The following TYW1 variants were observed in gnomAD, a reference collection of about 807,000 sequenced individuals.
The protein encoded by TYW1 is tRNA-yW synthesizing protein 1 homolog, also known as S-adenosyl-L-methionine-dependent tRNA 4-demethylwyosine synthase TYW1.
Under a neutral mutation model 96.2 loss-of-function variants are expected in TYW1, and 46 were observed. That is an observed-to-expected ratio of 0.48 (90% confidence interval 0.38 to 0.61). The LOEUF is 0.61. Among genes scored for constraint, TYW1 ranks in the 20% least tolerant of loss-of-function variants. The pLI, the probability that TYW1 is intolerant of heterozygous loss-of-function variation, is 0.00. For synonymous variants in TYW1, 274 were observed against 323.0 expected (o/e 0.85, Z 1.63); for missense variants, 684 against 909.6 (o/e 0.75, Z 3.19).
intron 15 of TYW1, among the ~76,000 whole-genome samples, chr7:67,198,195 T>C (rs1800465624): frequency 6.6e-6 from 1 of 152,104 alleles, no homozygotes; most frequent in Non-Finnish European, 1.5e-5. Flanking sequence ...ATGTCCTTTA[T>C]AGCATTTCCC....
chr7:67,054,110 T>C (rs920141604), intron 8 of TYW1, among the ~76,000 whole-genome samples: 1 of 152,228 alleles, frequency 6.6e-6, no homozygotes, highest in African/African-American at 2.4e-5. Flanking sequence ...TGTTGTTTCA[T>C]ATATTTTGTC....
intron 13 of TYW1, among the ~76,000 whole-genome samples, chr7:67,144,709 A>G (rs546564754): frequency 2.0e-5 from 3 of 152,114 alleles, no homozygotes; most frequent in Admixed American, 6.6e-5. Context: ...AGCTGAAGCT[A>G]TCTGCCCGGG....
rs553649319 is a variant in TYW1, at chr7:67,137,612, A to C, written c.1698+19994A>C. ...AGTTGGAGTGGAATGATTCAACACT[A>C]TGTGGCCAGTTTAAACAAGACTCTG... On this transcript the variant is annotated intron_variant, in intron 13 of 15. Coordinates refer to ENST00000359626, the MANE Select transcript of TYW1 (RefSeq NM_018264.4). 9.2e-5 allele frequency among the ~76,000 whole-genome samples: 14 copies of C among 152,322 alleles called. 1 individual carries two copies. The South Asian group carries it at 1.9e-3, about 20-fold the overall frequency.
intron 15 of TYW1, among the ~76,000 whole-genome samples, chr7:67,216,278 G>C (rs546163297): frequency 2.8e-5 from 4 of 140,670 alleles, no homozygotes; most frequent in South Asian, 4.7e-4. Context: ...ATCATTTTTT[G>C]TAATGTGTAT....
intron 13 of TYW1, among the ~76,000 whole-genome samples, chr7:67,152,552 C>T (rs755511817): frequency 5.3e-5 from 8 of 152,098 alleles, no homozygotes; most frequent in Admixed American, 1.3e-4. Flanking sequence ...GTTCTGTTTC[C>T]GTATTTTGAA....
intron 13 of TYW1, among the ~76,000 whole-genome samples, chr7:67,175,293 C>G (rs1291131045): frequency 6.6e-6 from 1 of 151,972 alleles, no homozygotes; most frequent in Non-Finnish European, 1.5e-5. Context: ...TGCCTCAGCC[C>G]CACGAGTAGC....
intron 13 of TYW1, among the ~76,000 whole-genome samples, chr7:67,140,744 A>G (rs1563036050): frequency 6.6e-6 from 1 of 152,348 alleles, no homozygotes; most frequent in Non-Finnish European, 1.5e-5. Context: ...AACAGTTCAT[A>G]TCTAGTAATT....
At chr7:67,230,652 C>CTTTTT (rs34585182) in intron 15 of TYW1, among the ~76,000 whole-genome samples, 1,682 of 119,480 alleles carry the variant, frequency 0.014, 37 homozygotes, top group Middle Eastern at 0.033. Context: ...CTTATTATCT[C>CTTTTT]TTTTTTTTTT....
At chr7:67,060,881 G>A (rs1190678035) in intron 9 of TYW1, among the ~76,000 whole-genome samples, 1 of 152,120 alleles carries the variant, frequency 6.6e-6, no homozygotes, top group Non-Finnish European at 1.5e-5. Flanking sequence ...GGGCAGTTGG[G>A]TGAACCTTTT....
chr7:67,007,110 G>A (rs987571263), intron 3 of TYW1, among the ~76,000 whole-genome samples: 2 of 151,860 alleles, frequency 1.3e-5, no homozygotes, highest in African/African-American at 4.8e-5. Flanking sequence ...TAAACTGAAA[G>A]GAAAGCTTTA....
chr7:67,188,979 T>C (rs1187323536), intron 14 of TYW1, among the ~76,000 whole-genome samples: 1 of 152,256 alleles, frequency 6.6e-6, no homozygotes, highest in Non-Finnish European at 1.5e-5. Flanking sequence ...CTGTACTGAA[T>C]TGTTGACAAA....
chr7:67,208,828 C>T (rs1800903308), intron 15 of TYW1, among the ~76,000 whole-genome samples: 2 of 151,970 alleles, frequency 1.3e-5, no homozygotes, highest in Admixed American at 1.3e-4. Flanking sequence ...TGGAGAGTGT[C>T]TTATGATCTG....
chr7:66,998,160 C>A lies in TYW1; in HGVS notation c.100C>A (p.Leu34Ile), dbSNP rs143503747. 1.1e-5 allele frequency: 17 copies of A among 1,609,912 alleles called. No individual in the cohort carries two copies. The South Asian group carries it at 1.7e-4, about 16-fold the overall frequency. ...TTTGGGCTTTGCTGTTAGCATTAGC[C>A]TTTGGATTTGTGTCCAGATTGTCAT... ...IYLGFAVSIS[L>I]WICVQIVIKT... Residue 34 changes from leucine (L) to isoleucine (I), a missense_variant, in exon 2 of 16, where the codon CTT (leucine) becomes ATT (isoleucine). Physicochemically the swap from Leu to Ile is conservative, Grantham distance 5 (BLOSUM62 2). Transcript: ENST00000359626.
chr7:67,003,124 G>C (rs1464347901), intron 3 of TYW1, among the ~76,000 whole-genome samples: 1 of 151,952 alleles, frequency 6.6e-6, no homozygotes, highest in South Asian at 2.1e-4. Flanking sequence ...CTTTCATATC[G>C]AGTTACCTAT....
At chr7:67,167,616 T>A (rs1298102364) in intron 13 of TYW1, among the ~76,000 whole-genome samples, 1 of 152,070 alleles carries the variant, frequency 6.6e-6, no homozygotes, top group African/African-American at 2.4e-5. Flanking sequence ...TTTTTCCCAC[T>A]GCAATGGGTA....
intron 15 of TYW1, among the ~76,000 whole-genome samples, chr7:67,236,632 C>T (rs1380827248): frequency 2.0e-5 from 3 of 152,186 alleles, no homozygotes; most frequent in Non-Finnish European, 4.4e-5. Context: ...GTAGAGTTCA[C>T]AGGGCCCTTG....
intron 7 of TYW1, among the ~76,000 whole-genome samples, chr7:67,048,567 A>G (rs1795258455): frequency 6.6e-6 from 1 of 152,198 alleles, no homozygotes; most frequent in Non-Finnish European, 1.5e-5. Flanking sequence ...TAAAAAGAGA[A>G]GAAGAAATCA....
chr7:67,023,637 G>T (rs1019287826), intron 6 of TYW1, among the ~76,000 whole-genome samples: 3 of 151,860 alleles, frequency 2.0e-5, no homozygotes, highest in African/African-American at 7.3e-5. Flanking sequence ...GTGTGATGGT[G>T]CATGCCTGTA....
At chr7:67,119,834 C>G (rs1797705736) in intron 13 of TYW1, among the ~76,000 whole-genome samples, 1 of 152,142 alleles carries the variant, frequency 6.6e-6, no homozygotes, top group Non-Finnish European at 1.5e-5. Context: ...GTCACCAAAG[C>G]TAGAACACAG....
Sources: allele counts gnomAD v4.1 joint callset (sites outside exome capture counted in the v4.1 genomes callset), GRCh38; gene constraint gnomAD v4.1.1; transcripts MANE v1.5; gene names NCBI Gene and HGNC (gene_info 2026-07-23, HGNC 2026-07-21).